HIVEP1: variants seen among roughly 807,000 people sequenced by gnomAD.
HIVEP1 encodes the protein HIVEP zinc finger 1, also known as zinc finger protein 40.
HIVEP1 carries 36 observed loss-of-function variants against 180.0 expected under a neutral mutation model. The ratio of observed to expected loss-of-function variants is 0.20; its 90% CI spans 0.15 to 0.26. The LOEUF (loss-of-function observed/expected upper bound fraction) is 0.26. HIVEP1 is among the 10% of genes least tolerant of loss of function. HIVEP1 has a pLI of 1.00. For missense variants in HIVEP1, 3,143 were observed against 3,268.7 expected (o/e 0.96, Z 0.94); for synonymous variants, 1,239 against 1,239.0 (o/e 1.00, Z 0.00).
downstream of HIVEP1, among the ~76,000 whole-genome samples, chr6:12,165,581 T>A (rs572455810): frequency 6.6e-6 from 1 of 152,330 alleles, no homozygotes; most frequent in African/African-American, 2.4e-5. Context: ...CCATCCTTAT[T>A]CAGGAAAATA....
At chr6:12,209,024 T>C in the HIVEP1 span, among the ~76,000 whole-genome samples, 1 of 152,304 alleles carries the variant, frequency 6.6e-6, no homozygotes, top group South Asian at 2.1e-4. Flanking sequence ...ACACGTGCCA[T>C]TCCCTCTGCC....
the HIVEP1 span, among the ~76,000 whole-genome samples, chr6:12,209,858 A>C: frequency 6.6e-6 from 1 of 152,202 alleles, no homozygotes; most frequent in Non-Finnish European, 1.5e-5. Context: ...TTTGTTATAT[A>C]TTGTGGGAGT....
At chr6:12,035,638 T>C (rs1458860908) in intron 2 of HIVEP1, among the ~76,000 whole-genome samples, 1 of 152,240 alleles carries the variant, frequency 6.6e-6, no homozygotes, top group Non-Finnish European at 1.5e-5. Flanking sequence ...TATACCCACA[T>C]AAGCAGATAC....
At position 12,121,698 on chromosome 6, in the gene HIVEP1, C is replaced by A; in HGVS notation, c.1903C>A (p.Gln635Lys). The A allele has an allele frequency of 6.2e-7, 1 of 1,614,204 alleles. No individual in the cohort carries two copies. The highest frequency in any genetic ancestry group is 8.5e-7 in the Non-Finnish European group (1 of 1,180,032). ...KGDMNPLEGKQDSHVGTVHAQ... is the reference protein window; with the variant it reads ...KGDMNPLEGKKDSHVGTVHAQ... ...CGACATGAATCCACTGGAAGGAAAG[C>A]AAGACTCTCACGTAGGAACGGTACA... The change falls in exon 4 of 9, where the codon CAA becomes AAA. Residue 635 changes from glutamine to lysine, a missense_variant. Coordinates refer to ENST00000379388, the MANE Select transcript of HIVEP1 (RefSeq NM_002114.4). This position sits in a 1 kb window ranked among gnomAD's most constrained non-coding sequence, Gnocchi z 5.3.
At chr6:12,053,046 GC>G (rs1289986430) in intron 2 of HIVEP1, among the ~76,000 whole-genome samples, 1 of 152,094 alleles carries the variant, frequency 6.6e-6, no homozygotes, top group Non-Finnish European at 1.5e-5. Flanking sequence ...TGGAGTATTT[GC>G]CTTTACACTT....
At chr6:12,054,585 T>A (rs946243484) in intron 2 of HIVEP1, among the ~76,000 whole-genome samples, 1 of 152,228 alleles carries the variant, frequency 6.6e-6, no homozygotes, top group African/African-American at 2.4e-5. Flanking sequence ...ATTACTAGTA[T>A]TTTTCGGTGT....
intron 2 of HIVEP1, among the ~76,000 whole-genome samples, chr6:12,084,488 C>T (rs1444158571): frequency 6.6e-6 from 1 of 152,046 alleles, no homozygotes; most frequent in Non-Finnish European, 1.5e-5. Context: ...CTTACAAGAG[C>T]ATGTATAAAT....
chr6:12,177,141 C>A, the HIVEP1 span, among the ~76,000 whole-genome samples: 1 of 152,070 alleles, frequency 6.6e-6, no homozygotes, highest in Non-Finnish European at 1.5e-5. Context: ...AAGAAGAGAA[C>A]AGCAGACACT....
intron 2 of HIVEP1, among the ~76,000 whole-genome samples, chr6:12,018,655 TA>T (rs1767995912): frequency 1.3e-5 from 2 of 152,122 alleles, no homozygotes; most frequent in South Asian, 4.1e-4. Context: ...AATGATGATT[TA>T]GGGAAGGAAA....
chr6:12,210,153 T>C, the HIVEP1 span, among the ~76,000 whole-genome samples: 3 of 151,618 alleles, frequency 2.0e-5, no homozygotes, highest in Non-Finnish European at 4.4e-5. Context: ...TAGTATTTAC[T>C]AGTTACCAAT....
chr6:12,166,784 A>G (rs1392739797), downstream of HIVEP1, among the ~76,000 whole-genome samples: 3 of 152,118 alleles, frequency 2.0e-5, no homozygotes, highest in Admixed American at 2.0e-4. Context: ...GTGTGTGGAG[A>G]CCCAGGCCTG....
chr6:12,159,328 T>C (rs1304406004), intron 7 of HIVEP1, among the ~76,000 whole-genome samples: 6 of 151,828 alleles, frequency 4.0e-5, no homozygotes, highest in Non-Finnish European at 1.5e-5. Flanking sequence ...AGTAACTTAT[T>C]CTCCCAGTCA....
At chr6:12,133,905 G>A (rs1192988410) in intron 6 of HIVEP1, among the ~76,000 whole-genome samples, 2 of 151,844 alleles carry the variant, frequency 1.3e-5, no homozygotes, top group African/African-American at 4.8e-5. Context: ...TTGAACCCGG[G>A]AGATGGAGGT....
intron 2 of HIVEP1, among the ~76,000 whole-genome samples, chr6:12,019,300 G>C (rs1441951209): frequency 6.6e-6 from 1 of 152,142 alleles, no homozygotes; most frequent in African/African-American, 2.4e-5. Flanking sequence ...AAACTTCCGC[G>C]CTCCTCACAA....
chr6:12,074,249 T>C (rs910244152), intron 2 of HIVEP1, among the ~76,000 whole-genome samples: 2 of 152,214 alleles, frequency 1.3e-5, no homozygotes, highest in African/African-American at 4.8e-5. Flanking sequence ...GATGCACCGA[T>C]ACCAGTGATT....
chr6:12,172,402 T>G, the HIVEP1 span, among the ~76,000 whole-genome samples: 1 of 152,228 alleles, frequency 6.6e-6, no homozygotes, highest in East Asian at 1.9e-4. Context: ...TAAATAAGTT[T>G]TAAGTTTTAT....
At chr6:12,106,286 G>A (rs191546290) in intron 3 of HIVEP1, among the ~76,000 whole-genome samples, 2,476 of 152,034 alleles carry the variant, frequency 0.016, 31 homozygotes, top group Non-Finnish European at 0.024. Flanking sequence ...TCTTAAAAGA[G>A]TAAAATTTTT....
the HIVEP1 span, among the ~76,000 whole-genome samples, chr6:12,172,036 C>T: frequency 6.6e-6 from 1 of 152,132 alleles, no homozygotes; most frequent in African/African-American, 2.4e-5. Flanking sequence ...CTGAGAAGAG[C>T]CTGGGACTCA....
At chr6:12,182,789 C>G in the HIVEP1 span, among the ~76,000 whole-genome samples, 1 of 152,098 alleles carries the variant, frequency 6.6e-6, no homozygotes, top group African/African-American at 2.4e-5. Flanking sequence ...GTATAATTGC[C>G]TAATAATATA....
Sources: gnomAD v4.1 joint callset for allele counts (sites outside exome capture counted in the v4.1 genomes callset) on GRCh38, gnomAD v4.1.1 for gene constraint, Gnocchi (gnomAD v3.1) non-coding constraint, MANE v1.5 for transcripts, NCBI Gene and HGNC (gene_info 2026-07-23, HGNC 2026-07-21) for gene names.